Variants in PRKCE observed in about 807,000 individuals in gnomAD.
PRKCE encodes protein kinase C epsilon.
A neutral mutation model predicts 85.4 loss-of-function variants in PRKCE; 16 were observed. The ratio of observed to expected loss-of-function variants is 0.19; its 90% CI spans 0.13 to 0.28. The LOEUF (loss-of-function observed/expected upper bound fraction) is 0.28. PRKCE is among the 10% of genes least tolerant of loss of function. The probability of loss-of-function intolerance (pLI) is 1.00; values close to 1 mark genes in which losing one functional copy is unlikely to be tolerated. For synonymous variants in PRKCE, 388 were observed against 371.5 expected, an observed-to-expected ratio of 1.04 and a Z score of -0.51; for missense variants, 573 against 975.2, an observed-to-expected ratio of 0.59 and a Z score of 5.49.
intron 10 of PRKCE, among the ~76,000 whole-genome samples, chr2:46,017,164 C>T (rs1423344425): frequency 6.6e-6 from 1 of 152,104 alleles, no homozygotes; most frequent in Non-Finnish European, 1.5e-5. Flanking sequence ...CTCCATGCCT[C>T]TTTTCACCTT....
rs1675258566 is a variant in PRKCE, at chr2:46,139,026, G to A, written c.1593-6067G>A. Among the ~76,000 whole-genome samples the A allele has an allele frequency of 6.6e-6, 1 of 152,148 alleles. No individual in the cohort carries two copies. Among genetic ancestry groups the A allele is most frequent in the African/African-American group, 2.4e-5 (1 of 41,426 alleles). On this transcript the variant is annotated intron_variant, in intron 11 of 14. Transcript: ENST00000306156. The surrounding 1 kb of genome is among the most constrained non-coding windows in gnomAD (Gnocchi z 5.2). The stretch of plus-strand genomic sequence containing the variant: ...TCGTAAGTCTTCAGTCGAGTGGAGA[G>A]TAAAGTAGCCATCTATCCAGGTGTC...
rs903286876 is a variant in PRKCE at position 45,697,469 on chromosome 2, A to G, written c.348+45021A>G. Among the ~76,000 whole-genome samples, 3 of 152,198 alleles carry G rather than the reference A, an allele frequency of 2.0e-5. No homozygotes were observed. The highest frequency in any genetic ancestry group is 4.8e-5 in the African/African-American group (2 of 41,446). ...AAGGACTAACAAACAAAACCAAACC[A>G]GAGTGGAAATGGCAACCCGAGGCTC... is the stretch of plus-strand genomic sequence containing the variant. On this transcript the variant is annotated intron_variant, in intron 1 of 14. Transcript: ENST00000306156. This position sits in a 1 kb window ranked among gnomAD's most constrained non-coding sequence, Gnocchi z 4.2.
intron 8 of PRKCE, among the ~76,000 whole-genome samples, chr2:46,005,690 A>C (rs1386050342): frequency 6.6e-6 from 1 of 152,152 alleles, no homozygotes; most frequent in African/African-American, 2.4e-5. Context: ...CTTACCCAGG[A>C]GTAAATAAAA....
At chr2:46,007,691 G>T in intron 9 of PRKCE, 30 bp downstream of exon 9, 4 of 1,590,886 alleles carry the variant, frequency 2.5e-6, no homozygotes, top group Non-Finnish European at 3.4e-6. Flanking sequence ...GGAACTGCTG[G>T]TTTTGTTCTA....
At chr2:45,982,158 C>G (rs567701830) in intron 5 of PRKCE, among the ~76,000 whole-genome samples, 1 of 152,352 alleles carries the variant, frequency 6.6e-6, no homozygotes, top group South Asian at 2.1e-4. Context: ...CCCGCCACCA[C>G]CTTGTGCTTC....
chr2:46,184,970 A>C lies in PRKCE; in HGVS notation c.*89A>C. The C allele has an allele frequency of 6.6e-7, 1 of 1,513,622 alleles. No homozygotes were observed. Among genetic ancestry groups the C allele is most frequent in the Admixed American group, 1.8e-5 (1 of 55,100 alleles). The allele number at this position is 1,513,622 out of a possible 1,614,324, so 93.8% of individuals were successfully genotyped here. On this transcript the variant is annotated 3_prime_UTR_variant, in exon 15 of 15. Transcript: ENST00000306156. The surrounding 1 kb of genome is among the most constrained non-coding windows in gnomAD (Gnocchi z 5.0). Reference sequence around the variant, plus strand: ...GGAGACACTCAGCAGGTCTTGAACTACTTCTCCTCCTCGGAGCCCCAGTCC... The same window carrying C: ...GGAGACACTCAGCAGGTCTTGAACTCCTTCTCCTCCTCGGAGCCCCAGTCC...
rs72804711 is a variant in PRKCE at position 45,967,655 on chromosome 2, A to G, written c.413-8774A>G. The stretch of plus-strand genomic sequence containing the variant: ...GAAAATCAGATTAATGAAGGAAATA[A>G]CAAAATTTGAAGTAAAGATACAGTC... On this transcript the variant is annotated intron_variant, in intron 2 of 14. Coordinates refer to ENST00000306156, the MANE Select transcript of PRKCE (RefSeq NM_005400.3). Among the ~76,000 whole-genome samples the G allele has an allele frequency of 6.0e-3, 910 of 152,286 alleles. 10 individuals carry two copies. Among genetic ancestry groups the G allele is most frequent in the Non-Finnish European group, 8.1e-3 (549 of 68,024 alleles).
chr2:46,140,977 C>G (rs1017096346), intron 11 of PRKCE, among the ~76,000 whole-genome samples: 1 of 151,974 alleles, frequency 6.6e-6, no homozygotes, highest in African/African-American at 2.4e-5. Flanking sequence ...ATCAAACTAC[C>G]AAATCTTGAT....
intron 2 of PRKCE, among the ~76,000 whole-genome samples, chr2:45,865,811 T>TCTC (rs1693548768): frequency 7.9e-6 from 1 of 126,894 alleles, no homozygotes; most frequent in South Asian, 3.4e-4. Context: ...TTCTTCTTCT[T>TCTC]CTTCTTTTTT....
At position 45,952,143 on chromosome 2, in the gene PRKCE, C is replaced by A. The variant is rs115393037; in HGVS notation, c.413-24286C>A. Among the ~76,000 whole-genome samples the A allele has an allele frequency of 9.3e-4, 141 of 152,300 alleles. 1 individual carries two copies. Among genetic ancestry groups the A allele is most frequent in the Non-Finnish European group, 1.5e-3 (105 of 68,020 alleles). On this transcript the variant is annotated intron_variant, in intron 2 of 14. Transcript: ENST00000306156. Reference sequence around the variant, plus strand: ...CCACTGTGCCCAGTTGATTCAGACTCTTAAAAGAGCCTGACTCCTAGAATG... The same window carrying A: ...CCACTGTGCCCAGTTGATTCAGACTATTAAAAGAGCCTGACTCCTAGAATG...
In PRKCE at chr2:46,010,406, C is replaced by T. The variant is rs371646070; in HGVS notation, c.1326C>T (p.Asp442=). 64 of 1,599,498 alleles carry T rather than the reference C, an allele frequency of 4.0e-5. No homozygotes were observed. The highest frequency in any genetic ancestry group is 2.8e-4 in the Admixed American group (17 of 59,978). Residue 442 remains aspartate, a synonymous_variant, in exon 10 of 15, where the codon GAC becomes GAT. Transcript: ENST00000306156. Reference sequence around the variant, plus strand: ...ATGCTGTGAAGGTCTTAAAGAAGGACGTCATCCTTCAGGATGATGACGTGG... The same window carrying T: ...ATGCTGTGAAGGTCTTAAAGAAGGATGTCATCCTTCAGGATGATGACGTGG... ...EVYAVKVLKK[D]VILQDDDVDC...
At chr2:46,115,479 TGA>T (rs1672680122) in intron 11 of PRKCE, among the ~76,000 whole-genome samples, 2 of 152,230 alleles carry the variant, frequency 1.3e-5, no homozygotes, top group South Asian at 2.1e-4. Context: ...AAAAATAAGC[TGA>T]GAGGGGTGTA....
intron 13 of PRKCE, among the ~76,000 whole-genome samples, chr2:46,152,514 G>T (rs187397448): frequency 1.3e-5 from 2 of 151,704 alleles, no homozygotes; most frequent in Non-Finnish European, 2.9e-5. Context: ...TACCATTATC[G>T]TAGGTAGAAA....
At chr2:46,012,474 G>A (rs1255705105) in intron 10 of PRKCE, among the ~76,000 whole-genome samples, 1 of 152,124 alleles carries the variant, frequency 6.6e-6, no homozygotes, top group Non-Finnish European at 1.5e-5. Context: ...CACATTGCTA[G>A]TTTCTTGTGC....
intron 1 of PRKCE, among the ~76,000 whole-genome samples, chr2:45,687,900 G>T (rs1677421808): frequency 1.3e-5 from 2 of 152,218 alleles, no homozygotes; most frequent in South Asian, 4.1e-4. Flanking sequence ...GCTCTGTTTG[G>T]AAGCACGTTG....
intron 11 of PRKCE, among the ~76,000 whole-genome samples, chr2:46,124,749 A>G (rs778067030): frequency 1.3e-5 from 2 of 152,224 alleles, no homozygotes; most frequent in African/African-American, 4.8e-5. Context: ...CCAGTCTTCT[A>G]TCTCTCTGAT....
intron 2 of PRKCE, among the ~76,000 whole-genome samples, chr2:45,885,508 T>C (rs1249540979): frequency 6.6e-6 from 1 of 152,240 alleles, no homozygotes; most frequent in Non-Finnish European, 1.5e-5. Context: ...TTTTGATACA[T>C]GTCTTCCTAT....
At chr2:46,107,938 T>C (rs189571417) in intron 11 of PRKCE, among the ~76,000 whole-genome samples, 3 of 152,342 alleles carry the variant, frequency 2.0e-5, no homozygotes, top group African/African-American at 7.2e-5. Flanking sequence ...GTTTTTGTTT[T>C]TGTTTTCTTC....
chr2:45,823,363 C>A (rs1162988970), intron 1 of PRKCE, among the ~76,000 whole-genome samples: 2 of 152,226 alleles, frequency 1.3e-5, no homozygotes, highest in Non-Finnish European at 2.9e-5. Flanking sequence ...AAATATTTCA[C>A]CCCTAGTAGC....
Sources: allele counts gnomAD v4.1 joint callset (sites outside exome capture counted in the v4.1 genomes callset), GRCh38; gene constraint gnomAD v4.1.1; non-coding constraint Gnocchi (gnomAD v3.1); transcripts MANE v1.5; gene names NCBI Gene and HGNC (gene_info 2026-07-23, HGNC 2026-07-21).